ADAMTS5: variants seen among roughly 807,000 people sequenced by gnomAD.
The protein encoded by ADAMTS5 is ADAM metallopeptidase with thrombospondin type 1 motif 5, also known as A disintegrin and metalloproteinase with thrombospondin motifs 5.
Under a neutral mutation model 81.4 loss-of-function variants are expected in ADAMTS5, and 54 were observed. The observed-to-expected ratio is 0.66, with a 90% confidence interval of 0.53 to 0.83. The LOEUF is 0.83. ADAMTS5 is among the 40% of genes least tolerant of loss of function. ADAMTS5 has a pLI of 0.00. For missense variants in ADAMTS5, 1,194 were observed against 1,229.9 expected, an observed-to-expected ratio of 0.97 and a Z score of 0.44; for synonymous variants, 532 against 508.8, an observed-to-expected ratio of 1.05 and a Z score of -0.61.
rs992545254 is a variant in ADAMTS5, at chr21:26,922,143, T to C, written c.*1910A>G. On this transcript the variant is annotated 3_prime_UTR_variant, in exon 8 of 8. Transcript: ENST00000284987. Reference sequence around the variant, plus strand: ...TCCATCACATATAGGTTATCAGCCTTGTACAGGCCTCATTTCTCAAAGTGA... The same window carrying C: ...TCCATCACATATAGGTTATCAGCCTCGTACAGGCCTCATTTCTCAAAGTGA... The C allele has an allele frequency of 6.6e-6, 1 of 152,076 alleles. No individual in the cohort carries two copies. Among genetic ancestry groups the C allele is most frequent in the Non-Finnish European group, 1.5e-5 (1 of 67,930 alleles). The allele number at this position is 152,076 out of a possible 1,614,324, so 9.4% of individuals were successfully genotyped here. A position where few individuals can be genotyped will look rare whatever the true frequency, so the allele number is the denominator to read the frequency against.
At position 26,954,995 on chromosome 21, in the gene ADAMTS5, T is replaced by C. The variant is rs546561981; in HGVS notation, c.1105-124A>G. 8 of 1,244,064 alleles carry C rather than the reference T, an allele frequency of 6.4e-6. No individual in the cohort carries two copies. In the South Asian group the frequency reaches 7.8e-5, roughly 12 times the overall value. The allele number at this position is 1,244,064 out of a possible 1,614,324, so 77.1% of individuals were successfully genotyped here. A position where few individuals can be genotyped will look rare whatever the true frequency, so the allele number is the denominator to read the frequency against. On this transcript the variant is annotated intron_variant, in intron 1 of 7. Transcript: ENST00000284987. ...GTTTATGGTATCACCTGTTCCTCTC[T>C]GGAAACGTTCCAAAGGCAAACTCAA... is the stretch of plus-strand genomic sequence containing the variant.
At chr21:26,937,833 T>G (rs1230387887) in intron 3 of ADAMTS5, among the ~76,000 whole-genome samples, 1 of 152,228 alleles carries the variant, frequency 6.6e-6, no homozygotes, top group Admixed American at 6.5e-5. Flanking sequence ...CTTCACATAT[T>G]TTCTAATTCA....
chr21:26,954,669 G>A, intron 2 of ADAMTS5, 70 bp downstream of exon 2: 2 of 1,579,832 alleles, frequency 1.3e-6, no homozygotes, highest in Non-Finnish European at 1.7e-6. Context: ...TAATTGCTAA[G>A]TATTTTGGTT....
intron 3 of ADAMTS5, among the ~76,000 whole-genome samples, chr21:26,938,435 G>A (rs768406008): frequency 6.6e-6 from 1 of 152,194 alleles, no homozygotes; most frequent in East Asian, 1.9e-4. Flanking sequence ...GGAATGCCAC[G>A]CCTCCAGGAA....
At chr21:26,947,792 G>A (rs1987244625) in intron 2 of ADAMTS5, among the ~76,000 whole-genome samples, 1 of 152,202 alleles carries the variant, frequency 6.6e-6, no homozygotes, top group Admixed American at 6.5e-5. Flanking sequence ...AATTGTGTTA[G>A]ATGATGTTGA....
At chr21:26,954,318 C>T (rs1321472605) in intron 2 of ADAMTS5, among the ~76,000 whole-genome samples, 1 of 152,096 alleles carries the variant, frequency 6.6e-6, no homozygotes, top group Non-Finnish European at 1.5e-5. Flanking sequence ...CTACAATTAT[C>T]ACTGACAATG....
rs147560246 is a variant in ADAMTS5, at chr21:26,920,891, A to T, written c.*3162T>A. 6.6e-6 allele frequency: 1 copy of T among 152,570 alleles called. No individual in the cohort carries two copies. The highest frequency in any genetic ancestry group is 1.5e-5 in the Non-Finnish European group (1 of 67,988). 9.5% of individuals were successfully genotyped at this position (152,570 alleles called of 1,614,324 possible). Reference sequence around the variant, plus strand: ...AAAATGATAGTATCAGAATAAGAATACATGAGGAATATATACATATACACC... The same window carrying T: ...AAAATGATAGTATCAGAATAAGAATTCATGAGGAATATATACATATACACC... On this transcript the variant is annotated 3_prime_UTR_variant, in exon 8 of 8. Transcript: ENST00000284987.
At chr21:26,956,059 AT>A (rs1261230161) in intron 1 of ADAMTS5, among the ~76,000 whole-genome samples, 1 of 152,206 alleles carries the variant, frequency 6.6e-6, no homozygotes, top group East Asian at 1.9e-4. Context: ...CAGATACATT[AT>A]AGTGCTCCCA....
At position 26,966,136 on chromosome 21, in the gene ADAMTS5, T is replaced by A; in HGVS notation, c.256A>T (p.Lys86Ter). 2 of 1,612,080 alleles carry A rather than the reference T, an allele frequency of 1.2e-6. No homozygotes were observed. ...NIDQLYSGGG[K>*]VGYLVYAGGR... ...CCCGCGTAGACGAGGTAGCCCACCT[T>A]GCCGCCGCCGGAGTAGAGTTGGTCG... The change falls in exon 1 of 8, where the codon AAG becomes TAG. Residue 86 changes from lysine to a stop codon, truncating the protein, a stop_gained. Transcript: ENST00000284987. LOFTEE classifies it high-confidence loss of function.
At chr21:26,931,427 A>G (rs1419612449) in intron 6 of ADAMTS5, among the ~76,000 whole-genome samples, 1 of 152,234 alleles carries the variant, frequency 6.6e-6, no homozygotes, top group African/African-American at 2.4e-5. Flanking sequence ...ACTCTGCTAT[A>G]GATTTAGAAA....
In ADAMTS5 at chr21:26,966,479, GAC is replaced by G. The variant is rs369940415; in HGVS notation, c.-90_-89del. 6.9e-5 allele frequency: 89 copies of G among 1,295,532 alleles called. No individual in the cohort carries two copies. Among genetic ancestry groups the G allele is most frequent in the African/African-American group, 1.3e-4 (8 of 63,340 alleles). 80.3% of individuals were successfully genotyped at this position (1,295,532 alleles called of 1,614,324 possible). On this transcript the variant is annotated 5_prime_UTR_variant, in exon 1 of 8. Transcript: ENST00000284987. The stretch of plus-strand genomic sequence containing the variant: ...TGAAGTTAACGGGGCGGGGGATGGG[GAC>G]ACACACACACTTGCTTGCAGGATTG...
intron 3 of ADAMTS5, among the ~76,000 whole-genome samples, chr21:26,941,318 G>T (rs945609474): frequency 1.3e-4 from 20 of 151,938 alleles, no homozygotes; most frequent in Admixed American, 1.3e-3. Flanking sequence ...AAATGAACAA[G>T]ATCTATTTCT....
chr21:26,965,960 A>C lies in ADAMTS5; in HGVS notation c.432T>G (p.Ala144=), dbSNP rs1162050285. Residue 144 remains alanine, a synonymous_variant, in exon 1 of 8, where the codon GCT becomes GCG. Transcript: ENST00000284987. ...GTVDGSPRSL[A]VFDLCGGLDG... ...CGAGACCCCCACAGAGGTCAAAGACAGCCAGAGAGCGGGGACTACCGTCCA... is the reference window on the plus strand; with the variant it reads ...CGAGACCCCCACAGAGGTCAAAGACCGCCAGAGAGCGGGGACTACCGTCCA... 6.2e-7 allele frequency: 1 copy of C among 1,613,434 alleles called. No individual in the cohort carries two copies. The highest frequency in any genetic ancestry group is 8.5e-7 in the Non-Finnish European group (1 of 1,179,854).
At chr21:26,960,438 A>G (rs1429805468) in intron 1 of ADAMTS5, among the ~76,000 whole-genome samples, 1 of 152,208 alleles carries the variant, frequency 6.6e-6, no homozygotes, top group Non-Finnish European at 1.5e-5. Context: ...AGGGCCTACA[A>G]GGAGGTAAAT....
chr21:26,945,720 A>G (rs1202459599), intron 2 of ADAMTS5, among the ~76,000 whole-genome samples: 1 of 152,182 alleles, frequency 6.6e-6, no homozygotes, highest in Non-Finnish European at 1.5e-5. Context: ...AGCATCATTT[A>G]TGAATCTTTT....
Position 26,920,991 on chromosome 21 carries a change from G to A in ADAMTS5, c.*3062C>T, listed in dbSNP as rs1259035485. 1 of 152,432 alleles carries A rather than the reference G, an allele frequency of 6.6e-6. No homozygotes were observed. The highest frequency in any genetic ancestry group is 2.4e-5 in the African/African-American group (1 of 41,400). The allele number at this position is 152,432 out of a possible 1,614,324, so 9.4% of individuals were successfully genotyped here. The stretch of plus-strand genomic sequence containing the variant: ...TGTATATTATGTAAACTCACAAAGT[G>A]TAAAAGTGTACTTTATACACAAACA... On this transcript the variant is annotated 3_prime_UTR_variant, in exon 8 of 8. Coordinates refer to ENST00000284987, the MANE Select transcript of ADAMTS5 (RefSeq NM_007038.5).
intron 2 of ADAMTS5, among the ~76,000 whole-genome samples, chr21:26,947,377 G>A (rs375474152): frequency 1.0e-3 from 159 of 152,020 alleles, no homozygotes; most frequent in African/African-American, 3.5e-3. Flanking sequence ...TAATCCACGA[G>A]TATTTTCCAA....
At position 26,965,599 on chromosome 21, in the gene ADAMTS5, G is replaced by A. The variant is rs1420191677; in HGVS notation, c.793C>T (p.Arg265Trp). Residue 265 changes from arginine to tryptophan, a missense_variant, in exon 1 of 8, where the codon CGG becomes TGG. Coordinates refer to ENST00000284987, the MANE Select transcript of ADAMTS5 (RefSeq NM_007038.5). Reference protein sequence around the residue: ...WWRRRRRSISRARQVELLLVA... With the variant: ...WWRRRRRSISWARQVELLLVA... ...AGAAGCAGCTCCACCTGGCGGGCCC[G>A]GGAGATGGAGCGGCGCCGCCGCCGC... is the stretch of plus-strand genomic sequence containing the variant. 1.9e-6 allele frequency: 3 copies of A among 1,602,530 alleles called. No homozygotes were observed. The highest frequency in any genetic ancestry group is 1.3e-5 in the African/African-American group (1 of 74,686).
At position 26,966,154 on chromosome 21, in the gene ADAMTS5, G is replaced by T; in HGVS notation, c.238C>A (p.Leu80Ile). 1.2e-6 allele frequency: 2 copies of T among 1,610,814 alleles called. No homozygotes were observed. The highest frequency in any genetic ancestry group is 1.7e-6 in the Non-Finnish European group (2 of 1,178,880). The change falls in exon 1 of 8, where the codon CTC becomes ATC. Residue 80 changes from leucine to isoleucine, a missense_variant. Leu to Ile is a conservative substitution (Grantham distance 5). This residue lies in a region of ADAMTS5 where 498 missense variants were observed against 412.3 expected (regional missense o/e 1.21). Coordinates refer to ENST00000284987, the MANE Select transcript of ADAMTS5 (RefSeq NM_007038.5). ...CCCACCTTGCCGCCGCCGGAGTAGA[G>T]TTGGTCGATGTTCTGCACCAGCCCC... ...SKGLVQNIDQ[L>I]YSGGGKVGYL...
Sources: gnomAD v4.1 joint callset for allele counts (sites outside exome capture counted in the v4.1 genomes callset) on GRCh38, gnomAD v4.1.1 for gene constraint, gnomAD v4.1.1 regional missense constraint, MANE v1.5 for transcripts, NCBI Gene and HGNC (gene_info 2026-07-23, HGNC 2026-07-21) for gene names.